LY9: variants seen among roughly 807,000 people sequenced by gnomAD.
LY9 encodes T-lymphocyte surface antigen Ly-9.
Under a neutral mutation model 64.6 loss-of-function variants are expected in LY9, and 59 were observed. That is an observed-to-expected ratio of 0.91 (90% CI 0.74 to 1.13). The LOEUF is 1.13. Ranked by LOEUF, LY9 falls within the 50% of genes most tolerant of loss-of-function variation. The pLI is 0.00. For missense variants in LY9, 789 were observed against 797.2 expected, an observed-to-expected ratio of 0.99 and a Z score of 0.12; for synonymous variants, 281 against 308.5, an observed-to-expected ratio of 0.91 and a Z score of 0.93.
chr1:160,801,492 C>T lies in LY9; in HGVS notation c.454+1410C>T, dbSNP rs567790955. 4.1e-4 allele frequency among the ~76,000 whole-genome samples: 62 copies of T among 152,278 alleles called. 1 individual carries two copies. The highest frequency in any genetic ancestry group is 1.4e-3 in the African/African-American group (57 of 41,542). On this transcript the variant is annotated intron_variant, in intron 2 of 9. Coordinates refer to ENST00000263285, the MANE Select transcript of LY9 (RefSeq NM_002348.4). ...GATGAATAGTTTACAAATATATCTG[C>T]CATTCAACTCGTTGTCTCTTCACTC...
chr1:160,811,762 A>T lies in LY9; in HGVS notation c.455-1874A>T, dbSNP rs573625214. 21 of 152,342 alleles carry T rather than the reference A, an allele frequency of 1.4e-4. No homozygotes were observed. In the South Asian group the frequency reaches 4.3e-3, roughly 32 times the overall value. 9.4% of individuals were successfully genotyped at this position (152,342 alleles called of 1,614,324 possible). A position where few individuals can be genotyped will look rare whatever the true frequency, so the allele number is the denominator to read the frequency against. On this transcript the variant is annotated intron_variant, in intron 2 of 9. Coordinates refer to ENST00000263285, the MANE Select transcript of LY9 (RefSeq NM_002348.4). ...ATTTAATATTTATATTTTTACCAAC[A>T]TTCTGCTCATGATCACATATGTATA...
In LY9 at chr1:160,818,319, T is replaced by A. The variant is rs1183512851; in HGVS notation, c.1444T>A (p.Cys482Ser). The change falls in exon 6 of 10, where the codon TGT becomes AGT. Residue 482 changes from cysteine (C) to serine (S), a missense_variant and splice_region_variant. Coordinates refer to ENST00000263285, the MANE Select transcript of LY9 (RefSeq NM_002348.4). The stretch of plus-strand genomic sequence containing the variant: ...GTGCATTTGGAAGCGAAAAGGACGG[T>A]GTGAGTTTCCGAGATCAATGTTGTC... ...SWCIWKRKGRCSVPAFCSSQA... is the reference protein window; with the variant it reads ...SWCIWKRKGRSSVPAFCSSQA... 6.2e-7 allele frequency: 1 copy of A among 1,612,556 alleles called. No individual in the cohort carries two copies. Among genetic ancestry groups the A allele is most frequent in the East Asian group, 2.2e-5 (1 of 44,882 alleles).
chr1:160,814,273 G>A (rs1326865371), intron 3 of LY9, 147 bp from the exon 4 acceptor site: 2 of 655,686 alleles, frequency 3.1e-6, no homozygotes, highest in African/African-American at 1.8e-5. Context: ...TCATGGAGAA[G>A]TAGCAGGCAT....
At chr1:160,808,794 C>T (rs1296061115) in intron 2 of LY9, among the ~76,000 whole-genome samples, 1 of 152,164 alleles carries the variant, frequency 6.6e-6, no homozygotes, top group East Asian at 1.9e-4. Context: ...TTAAATGCTT[C>T]TAGTCAGCCA....
At chr1:160,797,000 G>T (rs912154988) in intron 1 of LY9, 6 of 368,838 alleles carry the variant, frequency 1.6e-5, no homozygotes, top group African/African-American at 1.3e-4. Flanking sequence ...ATATATGCTG[G>T]CTTTATTACT....
chr1:160,819,333 C>T lies in LY9; in HGVS notation c.1457C>T (p.Ala486Val). 6.2e-7 allele frequency: 1 copy of T among 1,613,602 alleles called. No individual in the cohort carries two copies. The highest frequency in any genetic ancestry group is 8.5e-7 in the Non-Finnish European group (1 of 1,179,602). Reference protein sequence around the residue: ...WKRKGRCSVPAFCSSQAEAPA... With the variant: ...WKRKGRCSVPVFCSSQAEAPA... ...CTTTGTTTCTCAGGTTCAGTCCCAG[C>T]CTTCTGTTCCAGCCAAGCTGAGGCC... is the stretch of plus-strand genomic sequence containing the variant. Residue 486 changes from alanine (A) to valine (V), a missense_variant, in exon 7 of 10, where the codon GCC (alanine) becomes GTC (valine). By Grantham distance (64) the Ala-to-Val change is moderately conservative. Coordinates refer to ENST00000263285, the MANE Select transcript of LY9 (RefSeq NM_002348.4).
At chr1:160,802,031 C>T in intron 2 of LY9, 2 of 1,455,426 alleles carry the variant, frequency 1.4e-6, no homozygotes, top group South Asian at 2.8e-5. Context: ...TGCCACTGCC[C>T]CCCGAGGCTG....
At chr1:160,814,399 A>G in intron 3 of LY9, 21 bp from the exon 4 acceptor site, 2 of 1,563,418 alleles carry the variant, frequency 1.3e-6, no homozygotes, top group East Asian at 2.2e-5. Context: ...TGAAGCTGCA[A>G]TGTCTCATCT....
At chr1:160,820,058 T>C (rs1668292272) in intron 7 of LY9, among the ~76,000 whole-genome samples, 1 of 152,164 alleles carries the variant, frequency 6.6e-6, no homozygotes, top group Admixed American at 6.5e-5. Flanking sequence ...CCAGGGTCTC[T>C]AGGGTTCCTT....
At chr1:160,823,340 A>C (rs1668620744) in intron 7 of LY9, 125 bp from the exon 8 acceptor site, 2 of 650,148 alleles carry the variant, frequency 3.1e-6, no homozygotes, top group Non-Finnish European at 5.3e-6. Flanking sequence ...ACAGGACAAA[A>C]CAATCTCCTT....
Position 160,819,423 on chromosome 1 carries a change from G to T in LY9, c.1498+49G>T. ...TATGGGGTATCTGGTCCAAATGGAA[G>T]TTCTAAAGTCTTGCTGCTCAAAGTG... On this transcript the variant is annotated intron_variant, in intron 7 of 9. Transcript: ENST00000263285. 4.0e-6 allele frequency: 6 copies of T among 1,492,990 alleles called. No individual in the cohort carries two copies. The South Asian group carries it at 6.8e-5, about 17-fold the overall frequency. 92.5% of individuals were successfully genotyped at this position (1,492,990 alleles called of 1,614,324 possible).
At position 160,796,311 on chromosome 1, in the gene LY9, G is replaced by A. The variant is rs1558077690; in HGVS notation, c.124G>A (p.Gly42Arg). 2 of 1,612,128 alleles carry A rather than the reference G, an allele frequency of 1.2e-6. No individual in the cohort carries two copies. The highest frequency in any genetic ancestry group is 1.7e-6 in the Non-Finnish European group (2 of 1,179,476). Residue 42 changes from glycine to arginine, a missense_variant and splice_region_variant, in exon 1 of 10, where the codon GGA (glycine) becomes AGA (arginine). Physicochemically the swap from Gly to Arg is moderately radical, Grantham distance 125. Transcript: ENST00000263285. ...LQTSLLFLLMGLRASGKDSAP... is the reference protein window; with the variant it reads ...LQTSLLFLLMRLRASGKDSAP... ...GACCTCTCTCCTCTTCCTGCTCATG[G>A]GTAAGTCCACTTTATGGCCACCACT...
At chr1:160,808,194 T>C (rs948793604) in intron 2 of LY9, among the ~76,000 whole-genome samples, 1 of 152,156 alleles carries the variant, frequency 6.6e-6, no homozygotes, top group Non-Finnish European at 1.5e-5. Flanking sequence ...CTTTACCCAG[T>C]CTCAGTCACA....
At position 160,818,314 on chromosome 1, in the gene LY9, G is replaced by A. The variant is rs1269567361; in HGVS notation, c.1439G>A (p.Gly480Glu). 1.2e-6 allele frequency: 2 copies of A among 1,613,138 alleles called. No individual in the cohort carries two copies. Among genetic ancestry groups the A allele is most frequent in the South Asian group, 1.1e-5 (1 of 91,060 alleles). ...AGCTGGTGCATTTGGAAGCGAAAAG[G>A]ACGGTGTGAGTTTCCGAGATCAATG... ...IFSWCIWKRK[G>E]RCSVPAFCSS... Residue 480 changes from glycine to glutamate, a missense_variant, in exon 6 of 10, where the codon GGA (glycine) becomes GAA (glutamate). Physicochemically the swap from Gly to Glu is moderately conservative, Grantham distance 98. Coordinates refer to ENST00000263285, the MANE Select transcript of LY9 (RefSeq NM_002348.4).
chr1:160,813,893 G>A lies in LY9; in HGVS notation c.712G>A (p.Val238Ile). 2 of 1,614,062 alleles carry A rather than the reference G, an allele frequency of 1.2e-6. No homozygotes were observed. Among genetic ancestry groups the A allele is most frequent in the Non-Finnish European group, 1.7e-6 (2 of 1,179,976 alleles). ...CCAGAGAAGCTCCCTCCCTGTCCAT[G>A]TTGGGCAGTTCTGTACAGGTAACTG... ...VSQRSSLPVHVGQFCTDPGAS... is the reference protein window; with the variant it reads ...VSQRSSLPVHIGQFCTDPGAS... Residue 238 changes from valine (V) to isoleucine (I), a missense_variant, in exon 3 of 10, where the codon GTT becomes ATT. By Grantham distance (29) the Val-to-Ile change is conservative. Coordinates refer to ENST00000263285, the MANE Select transcript of LY9 (RefSeq NM_002348.4).
At position 160,816,855 on chromosome 1, in the gene LY9, T is replaced by A. The variant is rs781339491; in HGVS notation, c.1334T>A (p.Ile445Asn). 1 of 1,614,168 alleles carries A rather than the reference T, an allele frequency of 6.2e-7. No homozygotes were observed. The highest frequency in any genetic ancestry group is 8.5e-7 in the Non-Finnish European group (1 of 1,180,022). The change falls in exon 5 of 10, where the codon ATC becomes AAC. Residue 445 changes from isoleucine to asparagine, a missense_variant. By Grantham distance (149) the Ile-to-Asn change is moderately radical (BLOSUM62 -3). Transcript: ENST00000263285. Reference sequence around the variant, plus strand: ...TCCCACCAGTTTCTTTCTGAGAACATCTGTTCAGGTTTCTCTCCATCTCTA... The same window carrying A: ...TCCCACCAGTTTCTTTCTGAGAACAACTGTTCAGGTTTCTCTCCATCTCTA... ...RSSHQFLSEN[I>N]CSGPERNTKL...
chr1:160,813,655 A>C lies in LY9; in HGVS notation c.474A>C (p.Gln158His), dbSNP rs747135925. Residue 158 changes from glutamine to histidine, a missense_variant, in exon 3 of 10, where the codon CAA (glutamine) becomes CAC (histidine). Gln to His is a conservative substitution (Grantham distance 24). Transcript: ENST00000263285. The part of the protein sequence containing the change: ...LFVYEQLQEP[Q>H]VTMKSVKVSE... ...CTGCAGAGCAGCTGCAGGAGCCCCA[A>C]GTCACCATGAAGTCTGTGAAGGTGT... is the stretch of plus-strand genomic sequence containing the variant. 6.8e-6 allele frequency: 11 copies of C among 1,613,808 alleles called. No homozygotes were observed. In the East Asian group the frequency reaches 2.5e-4, roughly 36 times the overall value.
In LY9 at chr1:160,818,338, T is replaced by C; in HGVS notation, c.1444+19T>C. The C allele has an allele frequency of 1.3e-6, 2 of 1,594,864 alleles. No individual in the cohort carries two copies. Among genetic ancestry groups the C allele is most frequent in the African/African-American group, 1.3e-5 (1 of 74,628 alleles). ...GGACGGTGTGAGTTTCCGAGATCAATGTTGTCCGCCAGTGCTAGGCCATTT... is the reference window on the plus strand; with the variant it reads ...GGACGGTGTGAGTTTCCGAGATCAACGTTGTCCGCCAGTGCTAGGCCATTT... On this transcript the variant is annotated intron_variant, in intron 6 of 9. Transcript: ENST00000263285.
intron 7 of LY9, among the ~76,000 whole-genome samples, chr1:160,820,382 C>G (rs1294644996): frequency 6.6e-6 from 1 of 152,034 alleles, no homozygotes; most frequent in Non-Finnish European, 1.5e-5. Flanking sequence ...GAATCCCCAA[C>G]CTGTGCTCAC....
Sources: allele counts gnomAD v4.1 joint callset (sites outside exome capture counted in the v4.1 genomes callset), GRCh38; gene constraint gnomAD v4.1.1; transcripts MANE v1.5; gene names NCBI Gene and HGNC (gene_info 2026-07-23, HGNC 2026-07-21).